Variants in CDHR4 observed in about 807,000 individuals in gnomAD.
CDHR4 encodes the protein cadherin-related family member 4.
A neutral mutation model predicts 88.4 loss-of-function variants in CDHR4; 89 were observed. That is an observed-to-expected ratio of 1.01 (90% CI 0.85 to 1.20). The LOEUF is 1.20. CDHR4 is among the 50% of genes most tolerant of loss of function. The probability of loss-of-function intolerance (pLI) is 0.00; values close to 1 mark genes in which losing one functional copy is unlikely to be tolerated. For missense variants in CDHR4, 914 were observed against 1,007.2 expected (o/e 0.91, Z 1.25); for synonymous variants, 368 against 399.2 (o/e 0.92, Z 0.93).
rs924219022 is a variant in CDHR4, at chr3:49,793,893, C to T, written c.1393G>A (p.Val465Met). The change falls in exon 11 of 19, where the codon GTG (valine) becomes ATG (methionine). Residue 465 changes from valine (V) to methionine (M), a missense_variant. Val to Met is a conservative substitution (Grantham distance 21, BLOSUM62 1). Coordinates refer to ENST00000412678, the MANE Select transcript of CDHR4 (RefSeq NM_001007540.4). ...GGGTAATCCATATCCGTGCCCACCA[C>T]GGAGCCCAGTAGAGTGTGGGGCGCC... ...DAAPHTLLGS[V>M]VGTDMDYPHD... 1.7e-5 allele frequency: 27 copies of T among 1,551,646 alleles called. No individual in the cohort carries two copies. The highest frequency in any genetic ancestry group is 4.1e-5 in the African/African-American group (3 of 73,072).
chr3:49,792,367 A>T (rs2081192061), intron 15 of CDHR4, 101 bp downstream of exon 15: 3 of 1,413,184 alleles, frequency 2.1e-6, no homozygotes, highest in Non-Finnish European at 2.9e-6. Flanking sequence ...TCACCCACCT[A>T]CTTGGGCATT....
intron 4 of CDHR4, among the ~76,000 whole-genome samples, chr3:49,797,733 C>T (rs2081293013): frequency 6.6e-6 from 1 of 151,976 alleles, no homozygotes; most frequent in South Asian, 2.1e-4. Context: ...CCACCCGCCT[C>T]GGCCTCCCAA....
chr3:49,799,481 G>A (rs933084574), intron 1 of CDHR4, 44 bp from the exon 2 acceptor site: 66 of 1,534,234 alleles, frequency 4.3e-5, no homozygotes, highest in Non-Finnish European at 5.6e-5. Flanking sequence ...CCAGGCTGAT[G>A]GAACCACACA....
intron 10 of CDHR4, among the ~76,000 whole-genome samples, 186 bp downstream of exon 10, chr3:49,794,422 G>C (rs1023314275): frequency 1.3e-5 from 2 of 151,932 alleles, no homozygotes; most frequent in Non-Finnish European, 2.9e-5. Flanking sequence ...AGAGTGAGAG[G>C]GTCTAAAGGG....
rs1458278666 is a variant in CDHR4, at chr3:49,798,566, C to T, written c.495+260G>A. ...TCGCGCCACTGCACTCCAGCCTGGACGACAGAGCAAGACTCCGTCTCAAAA... is the reference window on the plus strand; with the variant it reads ...TCGCGCCACTGCACTCCAGCCTGGATGACAGAGCAAGACTCCGTCTCAAAA... On this transcript the variant is annotated intron_variant, in intron 4 of 18. Coordinates refer to ENST00000412678, the MANE Select transcript of CDHR4 (RefSeq NM_001007540.4). 1.4e-4 allele frequency: 68 copies of T among 500,690 alleles called. No individual in the cohort carries two copies. The Admixed American group carries it at 1.5e-3, about 11-fold the overall frequency. 31.0% of individuals were successfully genotyped at this position (500,690 alleles called of 1,614,324 possible). A position where few individuals can be genotyped will look rare whatever the true frequency, so the allele number is the denominator to read the frequency against.
At chr3:49,798,604 A>AT in intron 4 of CDHR4, 1 of 538,184 alleles carries the variant, frequency 1.9e-6, no homozygotes, top group Non-Finnish European at 3.3e-6. Flanking sequence ...AAAAAAAAAA[A>AT]AGAACTCAGC....
chr3:49,793,844 G>A lies in CDHR4; in HGVS notation c.1442C>T (p.Thr481Ile), dbSNP rs1180562234. 4 of 1,551,772 alleles carry A rather than the reference G, an allele frequency of 2.6e-6. No homozygotes were observed. The highest frequency in any genetic ancestry group is 2.7e-5 in the African/African-American group (2 of 73,192). Residue 481 changes from threonine to isoleucine, a missense_variant, in exon 11 of 19, where the codon ACC becomes ATC. Coordinates refer to ENST00000412678, the MANE Select transcript of CDHR4 (RefSeq NM_001007540.4). ...DYPHDNIEYY[T>I]SGGPTTFAVD... is the part of the protein sequence containing the mutation. ...AGCAAAGGTGGTAGGACCACCAGAG[G>A]TGTAGTACTCAATGTTGTCATGAGG...
chr3:49,794,591 C>T lies in CDHR4; in HGVS notation c.1279+17G>A, dbSNP rs373161672. The T allele has an allele frequency of 8.6e-5, 132 of 1,543,310 alleles. No homozygotes were observed. The African/African-American group carries it at 9.9e-4, about 12-fold the overall frequency. ...ACAGCCTTGTCCTGGGTGTCCAGGC[C>T]GGGTGTGGTCACTCACTGGTCATCT... On this transcript the variant is annotated intron_variant, in intron 10 of 18. Coordinates refer to ENST00000412678, the MANE Select transcript of CDHR4 (RefSeq NM_001007540.4).
chr3:49,793,290 CG>C lies in CDHR4; in HGVS notation c.1644del (p.Glu549SerfsTer21). 1 of 1,551,544 alleles carries C rather than the reference CG, an allele frequency of 6.4e-7. No homozygotes were observed. The highest frequency in any genetic ancestry group is 8.7e-7 in the Non-Finnish European group (1 of 1,146,978). On this transcript the variant is annotated frameshift_variant, in exon 13 of 19. Coordinates refer to ENST00000412678, the MANE Select transcript of CDHR4 (RefSeq NM_001007540.4). LOFTEE classifies it high-confidence loss of function. ...IEVEDVNDHA[P>X]ECEPPFQELT... is the part of the protein sequence containing the mutation. The stretch of plus-strand genomic sequence containing the variant: ...AGTTCCTGAAATGGGGGCTCACACT[CG>C]GGGGCATGGTCATTCACATCCTGCA...
At chr3:49,801,905 A>C (rs2081366087), upstream of CDHR4, among the ~76,000 whole-genome samples, 1 of 152,206 alleles carries the variant, frequency 6.6e-6, no homozygotes, top group East Asian at 1.9e-4. Flanking sequence ...GGGCTAGCCC[A>C]GGTCATTCCT....
At chr3:49,792,237 A>G (rs774309389) in intron 15 of CDHR4, among the ~76,000 whole-genome samples, 2 of 151,902 alleles carry the variant, frequency 1.3e-5, no homozygotes, top group Non-Finnish European at 2.9e-5. Flanking sequence ...GAGCTTATCT[A>G]CCCTCCTCCC....
intron 12 of CDHR4, 74 bp from the exon 13 acceptor site, chr3:49,793,385 C>A: frequency 6.6e-7 from 1 of 1,508,182 alleles, no homozygotes; most frequent in Non-Finnish European, 8.9e-7. Context: ...TCAACTTCTT[C>A]TCACCACAGC....
At position 49,793,832 on chromosome 3, in the gene CDHR4, G is replaced by C. The variant is rs1174971767; in HGVS notation, c.1454C>G (p.Pro485Arg). ...DNIEYYTSGG[P>R]TTFAVDRLSG... Reference sequence around the variant, plus strand: ...GAGACGGTCCACAGCAAAGGTGGTAGGACCACCAGAGGTGTAGTACTCAAT... The same window carrying C: ...GAGACGGTCCACAGCAAAGGTGGTACGACCACCAGAGGTGTAGTACTCAAT... Residue 485 changes from proline (P) to arginine (R), a missense_variant, in exon 11 of 19, where the codon CCT becomes CGT. Physicochemically the swap from Pro to Arg is moderately radical, Grantham distance 103. Transcript: ENST00000412678. The C allele has an allele frequency of 6.4e-7, 1 of 1,551,794 alleles. No homozygotes were observed. The highest frequency in any genetic ancestry group is 8.7e-7 in the Non-Finnish European group (1 of 1,147,004).
In CDHR4 at chr3:49,798,368, C is replaced by T. The variant is rs1038587025; in HGVS notation, c.495+458G>A. 2.6e-4 allele frequency: 43 copies of T among 163,830 alleles called. No homozygotes were observed. In the Middle Eastern group the frequency reaches 8.8e-3, roughly 34 times the overall value. The allele number at this position is 163,830 out of a possible 1,614,324, so 10.1% of individuals were successfully genotyped here. On this transcript the variant is annotated intron_variant, in intron 4 of 18. Transcript: ENST00000412678. ...TTGGGAGGCCGAGGTGGGGAGATCA[C>T]GAGGTCAGGAGATCGAGACCATCCT...
At chr3:49,799,204 G>T (rs1403813858) in intron 2 of CDHR4, 43 bp downstream of exon 2, 7 of 1,606,638 alleles carry the variant, frequency 4.4e-6, no homozygotes, top group Non-Finnish European at 6.0e-6. Flanking sequence ...TTTTAGGTCT[G>T]CCCTTGTGCC....
At chr3:49,797,663 G>A (rs1213806547) in intron 4 of CDHR4, among the ~76,000 whole-genome samples, 1 of 152,006 alleles carries the variant, frequency 6.6e-6, no homozygotes, top group African/African-American at 2.4e-5. Flanking sequence ...GGTATTTGTA[G>A]TAGAGATAGG....
chr3:49,792,695 C>T (rs1329994956), intron 14 of CDHR4, 85 bp from the exon 15 acceptor site: 2 of 1,516,984 alleles, frequency 1.3e-6, no homozygotes, highest in Non-Finnish European at 1.8e-6. Flanking sequence ...GGCTAAGCCA[C>T]CCCACACCCA....
rs768098638 is a variant in CDHR4 at position 49,799,775 on chromosome 3, G to A, written c.38C>T (p.Pro13Leu). 103 of 1,613,804 alleles carry A rather than the reference G, an allele frequency of 6.4e-5. No individual in the cohort carries two copies. The highest frequency in any genetic ancestry group is 7.7e-5 in the Non-Finnish European group (91 of 1,179,840). Residue 13 changes from proline to leucine, a missense_variant, in exon 1 of 19, where the codon CCG becomes CTG. Pro to Leu is a moderately conservative substitution (Grantham distance 98). Transcript: ENST00000412678. ...CACCACCTCCTCACCAGAGACCACC[G>A]GAGCAAAGAGGAACACGAGGAGCCT... ...LLRLLVFLFA[P>L]VVSDLCSLPC...
rs551873421 is a variant in CDHR4 at position 49,793,728 on chromosome 3, G to T, written c.1484-6C>A. 2.6e-6 allele frequency: 4 copies of T among 1,551,684 alleles called. No homozygotes were observed. The highest frequency in any genetic ancestry group is 2.4e-5 in the East Asian group (1 of 40,932). On this transcript the variant is annotated splice_region_variant and splice_polypyrimidine_tract_variant and intron_variant, in intron 11 of 18. Coordinates refer to ENST00000412678, the MANE Select transcript of CDHR4 (RefSeq NM_001007540.4). ...TCCCAGGAGGTGAACTTCCCCTAGA[G>T]GGGGAGACCACAGCTTCAGCCTGCA...
Sources: allele counts gnomAD v4.1 joint callset (sites outside exome capture counted in the v4.1 genomes callset), GRCh38; gene constraint gnomAD v4.1.1; transcripts MANE v1.5; gene names NCBI Gene and HGNC (gene_info 2026-07-23, HGNC 2026-07-21).